The following IL22RA1 variants were observed in gnomAD, a reference collection of about 807,000 sequenced individuals.
IL22RA1 encodes the protein interleukin-22 receptor subunit alpha-1.
IL22RA1 carries 25 observed loss-of-function variants against 32.8 expected under a neutral mutation model. The observed-to-expected ratio is 0.76, with a 90% CI of 0.55 to 1.06. The LOEUF (loss-of-function observed/expected upper bound fraction) is 1.06. Among genes scored for constraint, IL22RA1 ranks in the 50% least tolerant of loss-of-function variants. The probability of loss-of-function intolerance (pLI) is 0.00; values close to 1 mark genes in which losing one functional copy is unlikely to be tolerated. For synonymous variants in IL22RA1, 305 were observed against 305.0 expected, an observed-to-expected ratio of 1.00 and a Z score of 0.00; for missense variants, 709 against 727.4, an observed-to-expected ratio of 0.97 and a Z score of 0.29.
chr1:24,131,328 C>T (rs1188245134), intron 4 of IL22RA1, among the ~76,000 whole-genome samples: 1 of 152,076 alleles, frequency 6.6e-6, no homozygotes, highest in East Asian at 1.9e-4. Context: ...AATTTTATGG[C>T]ATGTGAATTA....
intron 3 of IL22RA1, among the ~76,000 whole-genome samples, chr1:24,134,690 G>A (rs374322347): frequency 6.6e-6 from 1 of 152,004 alleles, no homozygotes; most frequent in African/African-American, 2.4e-5. Context: ...AGCCCCCTGC[G>A]TCCCCACCTT....
At chr1:24,140,496 AGAG>A (rs1185426951) in intron 1 of IL22RA1, among the ~76,000 whole-genome samples, 3 of 152,082 alleles carry the variant, frequency 2.0e-5, no homozygotes, top group Non-Finnish European at 2.9e-5. Context: ...AGGAGAAGAG[AGAG>A]GAGAAGAGAA....
At chr1:24,125,335 C>G (rs570886588) in intron 5 of IL22RA1, among the ~76,000 whole-genome samples, 3 of 152,308 alleles carry the variant, frequency 2.0e-5, no homozygotes, top group African/African-American at 7.2e-5. Flanking sequence ...CAAAACTCAT[C>G]CTCCCTGCCA....
chr1:24,132,655 T>C (rs1410820079), intron 4 of IL22RA1, among the ~76,000 whole-genome samples: 1 of 151,826 alleles, frequency 6.6e-6, no homozygotes, highest in Non-Finnish European at 1.5e-5. Flanking sequence ...AAGAAACTGT[T>C]TTACATGTCT....
chr1:24,125,808 T>C (rs373158335), intron 5 of IL22RA1, among the ~76,000 whole-genome samples: 1 of 152,202 alleles, frequency 6.6e-6, no homozygotes, highest in African/African-American at 2.4e-5. Flanking sequence ...AAATAATATA[T>C]GTAAAGCATT....
At chr1:24,132,274 A>G (rs1034761671) in intron 4 of IL22RA1, among the ~76,000 whole-genome samples, 8 of 152,014 alleles carry the variant, frequency 5.3e-5, no homozygotes, top group Non-Finnish European at 1.0e-4. Context: ...CTGCATTTTA[A>G]ACAAGTGCTG....
chr1:24,121,162 C>T lies in IL22RA1; in HGVS notation c.1368G>A (p.Glu456=), dbSNP rs1338775629. 2 of 1,614,080 alleles carry T rather than the reference C, an allele frequency of 1.2e-6. No individual in the cohort carries two copies. Among genetic ancestry groups the T allele is most frequent in the African/African-American group, 2.7e-5 (2 of 74,920 alleles). ...SLQEVTSLAM[E]ESQEAKSLHQ... ...GCAATGATTTTGCTTCTTGGGATTCCTCCATAGCCAAGGAGGTCACCTCCT... is the reference window on the plus strand; with the variant it reads ...GCAATGATTTTGCTTCTTGGGATTCTTCCATAGCCAAGGAGGTCACCTCCT... The change falls in exon 7 of 7, where the codon GAG becomes GAA. Residue 456 remains glutamate, a synonymous_variant. Coordinates refer to ENST00000270800, the MANE Select transcript of IL22RA1 (RefSeq NM_021258.4).
chr1:24,129,003 G>A (rs1023532068), intron 4 of IL22RA1, among the ~76,000 whole-genome samples: 1 of 152,070 alleles, frequency 6.6e-6, no homozygotes, highest in Non-Finnish European at 1.5e-5. Context: ...CCTGCCACTC[G>A]GGTAAACACC....
At chr1:24,132,949 G>A (rs1274582309) in intron 4 of IL22RA1, among the ~76,000 whole-genome samples, 1 of 151,758 alleles carries the variant, frequency 6.6e-6, no homozygotes, top group East Asian at 2.0e-4. Context: ...TTTGAATCCT[G>A]TCTACCCTAT....
At position 24,128,219 on chromosome 1, in the gene IL22RA1, G is replaced by A. The variant is rs1644178299; in HGVS notation, c.592C>T (p.Leu198Phe). 2 of 1,608,944 alleles carry A rather than the reference G, an allele frequency of 1.2e-6. No individual in the cohort carries two copies. Reference protein sequence around the residue: ...FFGLTPDTEFLGTIMICVPTW... With the variant: ...FFGLTPDTEFFGTIMICVPTW... The stretch of plus-strand genomic sequence containing the variant: ...GGAACGCAAATCATGATGGTGCCAA[G>A]GAACTCTGTGTCAGGGGTCAGGCCG... Residue 198 changes from leucine (L) to phenylalanine (F), a missense_variant, in exon 5 of 7, where the codon CTT becomes TTT. By Grantham distance (22) the Leu-to-Phe change is conservative (BLOSUM62 0). Transcript: ENST00000270800.
chr1:24,139,817 A>G (rs1644268518), intron 1 of IL22RA1, among the ~76,000 whole-genome samples: 1 of 152,220 alleles, frequency 6.6e-6, no homozygotes, highest in Non-Finnish European at 1.5e-5. Context: ...CCACATCGCC[A>G]TTGATGCTTG....
intron 4 of IL22RA1, among the ~76,000 whole-genome samples, chr1:24,132,386 C>T (rs1422012951): frequency 6.8e-6 from 1 of 146,584 alleles, no homozygotes; most frequent in African/African-American, 2.6e-5. Flanking sequence ...GGCTGGAGTG[C>T]AGTGGCGCGA....
In IL22RA1 at chr1:24,137,183, C is replaced by T. The variant is rs536741554; in HGVS notation, c.303G>A (p.Ala101=). 51 of 1,614,068 alleles carry T rather than the reference C, an allele frequency of 3.2e-5. No individual in the cohort carries two copies. The highest frequency in any genetic ancestry group is 1.5e-4 in the African/African-American group (11 of 75,030). ...LYYARVTAVS[A]GGRSATKMTD... The stretch of plus-strand genomic sequence containing the variant: ...TCATCTTGGTGGCTGACCGGCCTCC[C>T]GCACTGACAGCGGTGACCCTGGCAT... The change falls in exon 3 of 7, where the codon GCG becomes GCA. Residue 101 remains alanine (A), a synonymous_variant. Coordinates refer to ENST00000270800, the MANE Select transcript of IL22RA1 (RefSeq NM_021258.4).
chr1:24,140,145 T>G (rs1644270432), intron 1 of IL22RA1, among the ~76,000 whole-genome samples: 1 of 152,248 alleles, frequency 6.6e-6, no homozygotes, highest in Admixed American at 6.5e-5. Flanking sequence ...CCTCCCTTCA[T>G]TAAATCCTCA....
intron 3 of IL22RA1, among the ~76,000 whole-genome samples, chr1:24,136,737 C>T (rs1048804154): frequency 1.6e-4 from 24 of 152,042 alleles, no homozygotes; most frequent in African/African-American, 5.6e-4. Context: ...AGAAGCTGCC[C>T]GAGGGTTTTA....
At chr1:24,126,850 G>A (rs975398018) in intron 5 of IL22RA1, among the ~76,000 whole-genome samples, 1 of 152,006 alleles carries the variant, frequency 6.6e-6, no homozygotes, top group African/African-American at 2.4e-5. Flanking sequence ...CTAGAGGAAG[G>A]GACCATCTCA....
chr1:24,124,385 G>A (rs1644147227), intron 5 of IL22RA1, among the ~76,000 whole-genome samples: 1 of 152,316 alleles, frequency 6.6e-6, no homozygotes, highest in South Asian at 2.1e-4. Context: ...GGGATGACTA[G>A]GGCTCTAGTG....
intron 3 of IL22RA1, chr1:24,134,890 GT>G: frequency 1.1e-6 from 1 of 951,350 alleles, no homozygotes; most frequent in Non-Finnish European, 1.3e-6. Flanking sequence ...ACCTTTGCTG[GT>G]TTACAGACTC....
intron 4 of IL22RA1, among the ~76,000 whole-genome samples, chr1:24,129,746 TTG>T (rs2148572373): frequency 6.6e-6 from 1 of 152,376 alleles, no homozygotes; most frequent in Admixed American, 6.5e-5. Flanking sequence ...CTGTTTTCTT[TTG>T]TGTGTGTTTA....
Sources: gnomAD v4.1 joint callset for allele counts (sites outside exome capture counted in the v4.1 genomes callset) on GRCh38, gnomAD v4.1.1 for gene constraint, MANE v1.5 for transcripts, NCBI Gene and HGNC (gene_info 2026-07-23, HGNC 2026-07-21) for gene names.